PIEZO2: variants seen among roughly 807,000 people sequenced by gnomAD.
PIEZO2 encodes the protein piezo-type mechanosensitive ion channel component 2.
In PIEZO2, 172 loss-of-function variants were observed where a neutral mutation model predicts 337.3. That is an observed-to-expected ratio of 0.51 (90% CI 0.45 to 0.58). PIEZO2 has a LOEUF of 0.58. Ranked by LOEUF, PIEZO2 falls within the 20% of genes least tolerant of loss-of-function variation. The pLI is 0.00. For synonymous variants in PIEZO2, 1,251 were observed against 1,228.5 expected, an observed-to-expected ratio of 1.02 and a Z score of -0.38; for missense variants, 3,028 against 3,391.3, an observed-to-expected ratio of 0.89 and a Z score of 2.66.
chr18:10,760,157 A>G (rs2038065988), intron 24 of PIEZO2, among the ~76,000 whole-genome samples: 1 of 152,228 alleles, frequency 6.6e-6, no homozygotes, highest in Non-Finnish European at 1.5e-5. Context: ...TAAAGAGAAC[A>G]GCCATTTTGA....
chr18:10,871,762 A>T (rs1290038388), intron 4 of PIEZO2, among the ~76,000 whole-genome samples: 1 of 152,246 alleles, frequency 6.6e-6, no homozygotes, highest in Non-Finnish European at 1.5e-5. Context: ...AACTAAATAC[A>T]TACTAGCAGC....
At chr18:11,020,785 G>A (rs1019913436) in intron 2 of PIEZO2, among the ~76,000 whole-genome samples, 3 of 152,182 alleles carry the variant, frequency 2.0e-5, no homozygotes, top group Non-Finnish European at 4.4e-5. Flanking sequence ...GAAACCTGAA[G>A]CCTGGCAGAG....
chr18:10,844,801 A>G (rs528001222), intron 7 of PIEZO2, among the ~76,000 whole-genome samples: 1 of 151,832 alleles, frequency 6.6e-6, no homozygotes, highest in African/African-American at 2.4e-5. Context: ...AAAAAAAAAA[A>G]AAAAGTACCT....
chr18:10,925,133 A>G (rs2031650752), intron 3 of PIEZO2, among the ~76,000 whole-genome samples: 2 of 152,240 alleles, frequency 1.3e-5, no homozygotes, highest in African/African-American at 4.8e-5. Context: ...ATATGCCATG[A>G]TATATAATAA....
Position 11,094,689 on chromosome 18 carries a change from T to C in PIEZO2, c.65-28467A>G, listed in dbSNP as rs2039211579. 6.6e-6 allele frequency among the ~76,000 whole-genome samples: 1 copy of C among 152,250 alleles called. No homozygotes were observed. Among genetic ancestry groups the C allele is most frequent in the African/African-American group, 2.4e-5 (1 of 41,462 alleles). ...TGAAGAAATTCCTTTTGAATTTTTC[T>C]GTACAGATTCTAACAGGAAAGAAAA... On this transcript the variant is annotated intron_variant, in intron 1 of 55. Coordinates refer to ENST00000674853, the MANE Select transcript of PIEZO2 (RefSeq NM_001378183.1). This position sits in a 1 kb window ranked among gnomAD's most constrained non-coding sequence, Gnocchi z 4.4.
chr18:11,134,717 T>C (rs1248283853), intron 1 of PIEZO2, among the ~76,000 whole-genome samples: 1 of 152,210 alleles, frequency 6.6e-6, no homozygotes, highest in Admixed American at 6.5e-5. Context: ...CTGAACAGTC[T>C]TGCCATGTTT....
chr18:11,068,277 G>T (rs1598910066), intron 1 of PIEZO2, among the ~76,000 whole-genome samples: 1 of 152,104 alleles, frequency 6.6e-6, no homozygotes, highest in South Asian at 2.1e-4. Context: ...CATAAGTTAG[G>T]TCACAAAATA....
Position 11,096,536 on chromosome 18 carries a change from CTG to C in PIEZO2, c.65-30316_65-30315del, listed in dbSNP as rs2146072201. Among the ~76,000 whole-genome samples, 1 of 152,288 alleles carries C rather than the reference CTG, an allele frequency of 6.6e-6. No homozygotes were observed. The highest frequency in any genetic ancestry group is 1.9e-4 in the East Asian group (1 of 5,178). ...GAAATGACGCTTTACTAAGCATTCT[CTG>C]TGGCCATTCCCAGTTCTTTTCTGCA... On this transcript the variant is annotated intron_variant, in intron 1 of 55. Transcript: ENST00000674853. This position sits in a 1 kb window ranked among gnomAD's most constrained non-coding sequence, Gnocchi z 4.6.
intron 2 of PIEZO2, among the ~76,000 whole-genome samples, chr18:11,011,444 G>A (rs1242210103): frequency 6.6e-6 from 1 of 151,866 alleles, no homozygotes; most frequent in African/African-American, 2.4e-5. Flanking sequence ...CTTCTCCTTT[G>A]GTGTATATTT....
chr18:11,093,452 A>G (rs2039159365), intron 1 of PIEZO2, among the ~76,000 whole-genome samples: 1 of 152,230 alleles, frequency 6.6e-6, no homozygotes, highest in Non-Finnish European at 1.5e-5. Flanking sequence ...TGATGGGATC[A>G]GATGACTATA....
At chr18:10,807,390 C>T in intron 7 of PIEZO2, 116 bp from the exon 8 acceptor site, 1 of 894,286 alleles carries the variant, frequency 1.1e-6, no homozygotes, top group Non-Finnish European at 1.7e-6. Flanking sequence ...TTGATCCGTT[C>T]TATTGTAGAT....
At chr18:10,685,946 G>A (rs1490426198) in intron 49 of PIEZO2, among the ~76,000 whole-genome samples, 1 of 140,674 alleles carries the variant, frequency 7.1e-6, no homozygotes, top group African/African-American at 2.5e-5. Context: ...TGCCACAACT[G>A]ACTCGCTCAC....
intron 1 of PIEZO2, among the ~76,000 whole-genome samples, chr18:11,089,010 T>G (rs1448169582): frequency 6.6e-6 from 1 of 152,232 alleles, no homozygotes; most frequent in Admixed American, 6.5e-5. Context: ...TCTAGTGTAC[T>G]GTTTATCTAT....
chr18:10,921,863 G>A (rs189706791), intron 3 of PIEZO2, among the ~76,000 whole-genome samples: 24 of 152,144 alleles, frequency 1.6e-4, no homozygotes, highest in African/African-American at 5.5e-4. Flanking sequence ...TTCTATGGTC[G>A]AGACTGTAGG....
chr18:10,916,625 G>C (rs531925729), intron 3 of PIEZO2, among the ~76,000 whole-genome samples: 27 of 152,124 alleles, frequency 1.8e-4, no homozygotes, highest in South Asian at 4.1e-4. Context: ...GTCGGCCGGC[G>C]AGTGCAAGCA....
At chr18:11,053,377 G>A (rs968535708) in intron 2 of PIEZO2, among the ~76,000 whole-genome samples, 2 of 152,154 alleles carry the variant, frequency 1.3e-5, no homozygotes, top group African/African-American at 4.8e-5. Context: ...ACACAAATGA[G>A]AATAAGATTT....
At chr18:10,818,944 T>C (rs1018359208) in intron 7 of PIEZO2, among the ~76,000 whole-genome samples, 2 of 152,188 alleles carry the variant, frequency 1.3e-5, no homozygotes, top group African/African-American at 4.8e-5. Flanking sequence ...ATTGAAATCA[T>C]TGAAAAGCAC....
Position 10,899,589 on chromosome 18 carries a change from G to A in PIEZO2, c.329+11597C>T, listed in dbSNP as rs1359552844. Among the ~76,000 whole-genome samples the A allele has an allele frequency of 6.6e-6, 1 of 152,100 alleles. No homozygotes were observed. Among genetic ancestry groups the A allele is most frequent in the Non-Finnish European group, 1.5e-5 (1 of 68,014 alleles). On this transcript the variant is annotated intron_variant, in intron 4 of 55. Transcript: ENST00000674853. The surrounding 1 kb of genome is among the most constrained non-coding windows in gnomAD (Gnocchi z 4.6). ...TGCACGTAGGATGCAGAACAAATAA[G>A]AAATATGAAGCCTTCTCTTGTAGCT...
rs78981711 is a variant in PIEZO2 at position 11,105,679 on chromosome 18, G to A, written c.65-39457C>T. ...CTACAAAGCAATATTTCAACATCACGTGTCCTCTGAAAGCCTGAGCTGGGG... is the reference window on the plus strand; with the variant it reads ...CTACAAAGCAATATTTCAACATCACATGTCCTCTGAAAGCCTGAGCTGGGG... On this transcript the variant is annotated intron_variant, in intron 1 of 55. Transcript: ENST00000674853. The surrounding 1 kb of genome is among the most constrained non-coding windows in gnomAD (Gnocchi z 4.3). Among the ~76,000 whole-genome samples, 1,223 of 152,244 alleles carry A rather than the reference G, an allele frequency of 8.0e-3. 16 individuals carry two copies. The highest frequency in any genetic ancestry group is 0.028 in the African/African-American group (1,145 of 41,528).
Sources: gnomAD v4.1 joint callset for allele counts (sites outside exome capture counted in the v4.1 genomes callset) on GRCh38, gnomAD v4.1.1 for gene constraint, Gnocchi (gnomAD v3.1) non-coding constraint, MANE v1.5 for transcripts, NCBI Gene and HGNC (gene_info 2026-07-23, HGNC 2026-07-21) for gene names.